MORF4L1: variants seen among roughly 807,000 people sequenced by gnomAD.
MORF4L1 encodes the protein mortality factor 4-like protein 1.
A neutral mutation model predicts 52.9 loss-of-function variants in MORF4L1; 4 were observed. The ratio of observed to expected loss-of-function variants is 0.08; its 90% CI spans 0.04 to 0.17. MORF4L1 has a LOEUF of 0.17. MORF4L1 is among the 10% of genes least tolerant of loss of function. The pLI is 1.00. For missense variants in MORF4L1, 214 were observed against 390.4 expected, an observed-to-expected ratio of 0.55 and a Z score of 3.81; for synonymous variants, 123 against 134.8, an observed-to-expected ratio of 0.91 and a Z score of 0.61.
intron 11 of MORF4L1, among the ~76,000 whole-genome samples, chr15:78,895,285 ATGGT>A (rs1471107507): frequency 6.7e-5 from 10 of 149,604 alleles, no homozygotes; most frequent in South Asian, 4.2e-4. Flanking sequence ...TTTATGATAA[ATGGT>A]TGGTACCTTT....
At chr15:78,888,283 C>A (rs188651138) in intron 5 of MORF4L1, among the ~76,000 whole-genome samples, 2 of 151,740 alleles carry the variant, frequency 1.3e-5, no homozygotes, top group Non-Finnish European at 2.9e-5. Context: ...TGGGCAACAT[C>A]GGGAGCCTCT....
chr15:78,889,369 C>T (rs1303754535), intron 5 of MORF4L1, among the ~76,000 whole-genome samples: 2 of 152,074 alleles, frequency 1.3e-5, no homozygotes, highest in African/African-American at 2.4e-5. Context: ...GAAATGTTTG[C>T]GTTATACTTA....
At chr15:78,874,777 T>C (rs1055348783) in intron 1 of MORF4L1, among the ~76,000 whole-genome samples, 22 of 132,334 alleles carry the variant, frequency 1.7e-4, no homozygotes, top group African/African-American at 6.0e-4. Flanking sequence ...CTGTTGACTC[T>C]ACCTCCTATG....
intron 3 of MORF4L1, among the ~76,000 whole-genome samples, chr15:78,883,927 C>T (rs1304744868): frequency 6.6e-6 from 1 of 152,100 alleles, no homozygotes; most frequent in Non-Finnish European, 1.5e-5. Flanking sequence ...AATTCTGGGC[C>T]AGGCGCGGTG....
At chr15:78,875,646 G>A (rs2056471455) in intron 1 of MORF4L1, among the ~76,000 whole-genome samples, 1 of 151,862 alleles carries the variant, frequency 6.6e-6, no homozygotes, top group Admixed American at 6.6e-5. Flanking sequence ...AATTAGCAGG[G>A]CGTGGTGTTA....
At chr15:78,887,231 C>T (rs754089426) in intron 4 of MORF4L1, 38 bp from the exon 5 acceptor site, 4 of 1,525,044 alleles carry the variant, frequency 2.6e-6, no homozygotes, top group Admixed American at 4.1e-5. Flanking sequence ...CACATAAATG[C>T]TCATTTTATG....
intron 3 of MORF4L1, among the ~76,000 whole-genome samples, chr15:78,884,297 A>G (rs1326677594): frequency 6.6e-6 from 1 of 152,032 alleles, no homozygotes; most frequent in Non-Finnish European, 1.5e-5. Context: ...GTGGATCACG[A>G]GGTCAGGAGT....
At chr15:78,888,684 G>A (rs900453055) in intron 5 of MORF4L1, among the ~76,000 whole-genome samples, 3 of 152,166 alleles carry the variant, frequency 2.0e-5, no homozygotes, top group Non-Finnish European at 4.4e-5. Context: ...CTAGGCTGCA[G>A]TGATCTGTGA....
intron 3 of MORF4L1, among the ~76,000 whole-genome samples, chr15:78,881,609 T>C (rs1272261500): frequency 1.3e-5 from 2 of 152,220 alleles, no homozygotes; most frequent in African/African-American, 4.8e-5. Flanking sequence ...GAGCTGTTTT[T>C]CAGTGATGGG....
chr15:78,892,194 C>A lies in MORF4L1; in HGVS notation c.439-18C>A, dbSNP rs552922893. 1.9e-5 allele frequency: 29 copies of A among 1,567,398 alleles called. No individual in the cohort carries two copies. Among genetic ancestry groups the A allele is most frequent in the African/African-American group, 8.1e-5 (6 of 73,838 alleles). ...CAAGAAAGGTTAGGTTTTTAATACT[C>A]CTCCTGTTTCTGTTTAGGAGGAAAC... On this transcript the variant is annotated intron_variant, in intron 7 of 11. Coordinates refer to ENST00000426013, the MANE Select transcript of MORF4L1 (RefSeq NM_006791.4).
intron 5 of MORF4L1, among the ~76,000 whole-genome samples, chr15:78,888,714 C>G (rs1253366009): frequency 6.6e-6 from 1 of 151,806 alleles, no homozygotes; most frequent in Non-Finnish European, 1.5e-5. Flanking sequence ...TGCGCTCCAG[C>G]CTCTTAAAAA....
intron 5 of MORF4L1, among the ~76,000 whole-genome samples, chr15:78,888,936 T>C (rs2056752831): frequency 6.6e-6 from 1 of 152,236 alleles, no homozygotes; most frequent in Admixed American, 6.5e-5. Context: ...TTCATTAGGA[T>C]TTAATAGTAA....
intron 3 of MORF4L1, among the ~76,000 whole-genome samples, chr15:78,884,780 C>T (rs12905258): frequency 0.99 from 150,754 of 152,312 alleles, 74,630 homozygotes; most frequent in Middle Eastern, 1. Context: ...AATTGGAATT[C>T]TCTTAAACTT....
intron 5 of MORF4L1, among the ~76,000 whole-genome samples, chr15:78,887,860 C>T (rs1373383335): frequency 3.9e-5 from 6 of 152,296 alleles, no homozygotes; most frequent in African/African-American, 1.4e-4. Context: ...CTCACTGCAA[C>T]CTCTGCCTCC....
intron 5 of MORF4L1, 186 bp from the exon 6 acceptor site, chr15:78,890,803 G>A (rs1006994271): frequency 4.2e-6 from 2 of 480,966 alleles, no homozygotes; most frequent in Non-Finnish European, 6.4e-6. Context: ...TTTCTATTAT[G>A]TGGAGAGAGA....
In MORF4L1 at chr15:78,873,130, T is replaced by A. The variant is rs941579028; in HGVS notation, c.40+73T>A. The stretch of plus-strand genomic sequence containing the variant: ...GAGGCGGGCTCGAGGTGATTGAGGC[T>A]TGAGGGCCGGGGGCGGCGCGGGCTG... On this transcript the variant is annotated intron_variant, in intron 1 of 11. Transcript: ENST00000426013. 63 of 1,537,674 alleles carry A rather than the reference T, an allele frequency of 4.1e-5. No individual in the cohort carries two copies. In the East Asian group the frequency reaches 7.3e-4, roughly 18 times the overall value.
At chr15:78,892,482 GTTAGAAGAATAAAAGTTCACATATAAAT>G (rs1287970422) in intron 8 of MORF4L1, 169 bp downstream of exon 8, 4 of 485,666 alleles carry the variant, frequency 8.2e-6, no homozygotes, top group Non-Finnish European at 1.5e-5. Flanking sequence ...GAAAGAGTAA[GTTAGAAGAATAAAAGTTCACATATAAAT>G]TTTATGAGGT....
intron 1 of MORF4L1, 46 bp from the exon 2 acceptor site, chr15:78,878,167 A>G (rs2056531807): frequency 6.4e-7 from 1 of 1,565,760 alleles, no homozygotes; most frequent in Non-Finnish European, 8.7e-7. Flanking sequence ...TAATCTTTTT[A>G]TATATGAGAA....
Position 78,891,520 on chromosome 15 carries a change from C to G in MORF4L1, c.386C>G (p.Thr129Ser), listed in dbSNP as rs368821371. The change falls in exon 7 of 12, where the codon ACC (threonine) becomes AGC (serine). Residue 129 changes from threonine to serine, a missense_variant. This residue lies in a region of MORF4L1 where 84 missense variants were observed against 116.3 expected (regional missense o/e 0.72). Coordinates refer to ENST00000426013, the MANE Select transcript of MORF4L1 (RefSeq NM_006791.4). ...GNGDGGSTSE[T>S]PQPPRKKRAR... ...GGAGATGGTGGCAGTACCAGTGAGA[C>G]CCCTCAGCCTCCTCGGAAGAAAAGG... is the stretch of plus-strand genomic sequence containing the variant. 6.2e-7 allele frequency: 1 copy of G among 1,614,030 alleles called. No individual in the cohort carries two copies. Among genetic ancestry groups the G allele is most frequent in the Non-Finnish European group, 8.5e-7 (1 of 1,180,008 alleles).
Sources: gnomAD v4.1 joint callset for allele counts (sites outside exome capture counted in the v4.1 genomes callset) on GRCh38, gnomAD v4.1.1 for gene constraint, gnomAD v4.1.1 regional missense constraint, MANE v1.5 for transcripts, NCBI Gene and HGNC (gene_info 2026-07-23, HGNC 2026-07-21) for gene names.